SCRN1: variants seen among roughly 807,000 people sequenced by gnomAD.
SCRN1 encodes the protein secernin 1, also known as secernin-1.
A neutral mutation model predicts 43.3 loss-of-function variants in SCRN1; 19 were observed. The observed-to-expected ratio is 0.44, with a 90% confidence interval of 0.31 to 0.64. SCRN1 has a LOEUF of 0.64. Among genes scored for constraint, SCRN1 ranks in the 30% least tolerant of loss-of-function variants. The pLI is 0.09. For synonymous variants in SCRN1, 183 were observed against 188.9 expected (o/e 0.97, Z 0.26); for missense variants, 447 against 524.1 (o/e 0.85, Z 1.44).
intron 2 of SCRN1, among the ~76,000 whole-genome samples, chr7:29,956,257 G>A (rs975833474): frequency 6.6e-6 from 1 of 152,134 alleles, no homozygotes; most frequent in Non-Finnish European, 1.5e-5. Context: ...TCAGAGTCTC[G>A]CCCTCCTGTG....
At chr7:29,946,427 C>T (rs1251531942) in intron 3 of SCRN1, among the ~76,000 whole-genome samples, 1 of 152,226 alleles carries the variant, frequency 6.6e-6, no homozygotes, top group Non-Finnish European at 1.5e-5. Context: ...ACATTCCAGG[C>T]AGAATCCTGT....
chr7:29,975,667 CTG>C (rs1788806546), intron 1 of SCRN1, among the ~76,000 whole-genome samples: 1 of 152,210 alleles, frequency 6.6e-6, no homozygotes. Flanking sequence ...ACATTTCTTA[CTG>C]TGAGTCTTAA....
At chr7:29,926,428 T>C in intron 7 of SCRN1, 24 bp downstream of exon 7, 1 of 1,605,078 alleles carries the variant, frequency 6.2e-7, no homozygotes, top group East Asian at 2.2e-5. Flanking sequence ...CGCCTCCGCC[T>C]CTGTGGCCCT....
chr7:29,967,018 C>T (rs1462610731), intron 2 of SCRN1, among the ~76,000 whole-genome samples: 1 of 151,992 alleles, frequency 6.6e-6, no homozygotes, highest in Non-Finnish European at 1.5e-5. Flanking sequence ...TGATGAATGC[C>T]TATTTGAAAC....
At chr7:29,968,742 C>T (rs1228943915) in intron 2 of SCRN1, among the ~76,000 whole-genome samples, 167 bp downstream of exon 2, 1 of 152,188 alleles carries the variant, frequency 6.6e-6, no homozygotes, top group African/African-American at 2.4e-5. Context: ...TCTCCCATGA[C>T]CTTGTTTTCA....
Position 29,923,302 on chromosome 7 carries a change from C to T in SCRN1, c.*655G>A, listed in dbSNP as rs1228615923. 1 of 152,220 alleles carries T rather than the reference C, an allele frequency of 6.6e-6. No individual in the cohort carries two copies. The highest frequency in any genetic ancestry group is 2.1e-4 in the South Asian group (1 of 4,826). 9.4% of individuals were successfully genotyped at this position (152,220 alleles called of 1,614,324 possible). A position where few individuals can be genotyped will look rare whatever the true frequency, so the allele number is the denominator to read the frequency against. On this transcript the variant is annotated 3_prime_UTR_variant, in exon 8 of 8. Coordinates refer to ENST00000242059, the MANE Select transcript of SCRN1 (RefSeq NM_014766.5). Reference sequence around the variant, plus strand: ...TAAGTGGAAGCAGCTCTGCAGTCCACCACACATAAGCACAGCGCATGGAAA... The same window carrying T: ...TAAGTGGAAGCAGCTCTGCAGTCCATCACACATAAGCACAGCGCATGGAAA...
intron 3 of SCRN1, among the ~76,000 whole-genome samples, chr7:29,951,015 C>A (rs1475004533): frequency 6.6e-6 from 1 of 152,260 alleles, no homozygotes; most frequent in Admixed American, 6.5e-5. Flanking sequence ...CCCCAGCCCC[C>A]ACCATTTGCA....
At chr7:29,983,018 T>C (rs910602314) in intron 1 of SCRN1, among the ~76,000 whole-genome samples, 1 of 151,940 alleles carries the variant, frequency 6.6e-6, no homozygotes, top group Non-Finnish European at 1.5e-5. Flanking sequence ...TTTGTATTTT[T>C]AGTAGAGACG....
intron 2 of SCRN1, among the ~76,000 whole-genome samples, chr7:29,961,803 G>A (rs967725272): frequency 1.4e-5 from 2 of 146,280 alleles, no homozygotes; most frequent in Non-Finnish European, 3.1e-5. Flanking sequence ...CCTCCCGGAC[G>A]GAGCGGCTGG....
At chr7:29,926,133 A>G (rs940542375) in intron 7 of SCRN1, among the ~76,000 whole-genome samples, 11 of 152,246 alleles carry the variant, frequency 7.2e-5, no homozygotes, top group Non-Finnish European at 1.3e-4. Flanking sequence ...TACACAATAT[A>G]TAACAGTTAT....
intron 1 of SCRN1, among the ~76,000 whole-genome samples, chr7:29,984,301 T>C (rs1789084509): frequency 1.3e-5 from 2 of 151,290 alleles, no homozygotes; most frequent in South Asian, 4.2e-4. Context: ...ATTTTTACAA[T>C]TAAAACCACA....
At position 29,983,764 on chromosome 7, in the gene SCRN1, T is replaced by C. The variant is rs190319081; in HGVS notation, c.-2+5878A>G. 6.6e-5 allele frequency among the ~76,000 whole-genome samples: 10 copies of C among 152,372 alleles called. No homozygotes were observed. In the East Asian group the frequency reaches 1.5e-3, roughly 23 times the overall value. On this transcript the variant is annotated intron_variant, in intron 1 of 7. Transcript: ENST00000242059. Reference sequence around the variant, plus strand: ...AAAGTTCCAGTATTAAGATAGTTTGTTACTGATAGAATCAGAAGTAGAAAG... The same window carrying C: ...AAAGTTCCAGTATTAAGATAGTTTGCTACTGATAGAATCAGAAGTAGAAAG...
intron 6 of SCRN1, among the ~76,000 whole-genome samples, chr7:29,933,238 C>T (rs914382124): frequency 1.3e-5 from 2 of 152,152 alleles, no homozygotes; most frequent in Non-Finnish European, 2.9e-5. Flanking sequence ...CAGTGGTTTA[C>T]TGGTCTAACA....
chr7:29,989,746 GGGCTGC>G lies in SCRN1; in HGVS notation c.-112_-107del. ...GTCCGGATTACTGCGGCGACCTCGG[GGGCTGC>G]AGCTGCAGTGGCGGAGGCGGCCGCC... is the stretch of plus-strand genomic sequence containing the variant. On this transcript the variant is annotated 5_prime_UTR_variant, in exon 1 of 8. Transcript: ENST00000242059. 1 of 986,304 alleles carries G rather than the reference GGGCTGC, an allele frequency of 1.0e-6. No homozygotes were observed. Among genetic ancestry groups the G allele is most frequent in the Non-Finnish European group, 1.2e-6 (1 of 830,728 alleles). 61.1% of individuals were successfully genotyped at this position (986,304 alleles called of 1,614,324 possible).
At chr7:29,932,524 TG>T (rs1787190457) in intron 6 of SCRN1, among the ~76,000 whole-genome samples, 1 of 151,298 alleles carries the variant, frequency 6.6e-6, no homozygotes, top group Admixed American at 6.6e-5. Context: ...TGGTGGCACG[TG>T]CCTGTAGTCC....
intron 3 of SCRN1, among the ~76,000 whole-genome samples, chr7:29,951,256 C>A (rs976936298): frequency 5.3e-5 from 8 of 152,244 alleles, no homozygotes; most frequent in African/African-American, 1.9e-4. Flanking sequence ...CCTAGAGCTG[C>A]CCATCCCGCC....
rs1048957105 is a variant in SCRN1 at position 29,932,962 on chromosome 7, T to C, written c.905+3594A>G. The stretch of plus-strand genomic sequence containing the variant: ...CTCAATCTCAGCTCACTGCAACCTT[T>C]GCCTCCCAGGTTCAAGTGATTCTCC... On this transcript the variant is annotated intron_variant, in intron 6 of 7. Coordinates refer to ENST00000242059, the MANE Select transcript of SCRN1 (RefSeq NM_014766.5). 2.0e-5 allele frequency among the ~76,000 whole-genome samples: 3 copies of C among 152,022 alleles called. No individual in the cohort carries two copies. The East Asian group carries it at 5.9e-4, about 30-fold the overall frequency.
intron 2 of SCRN1, among the ~76,000 whole-genome samples, chr7:29,966,872 G>A (rs1788514625): frequency 6.6e-6 from 1 of 152,032 alleles, no homozygotes; most frequent in South Asian, 2.1e-4. Flanking sequence ...CCCTCATAGA[G>A]TTCTGTTGCT....
intron 3 of SCRN1, 43 bp from the exon 4 acceptor site, chr7:29,944,222 C>G: frequency 6.3e-7 from 1 of 1,582,606 alleles, no homozygotes; most frequent in Non-Finnish European, 8.7e-7. Context: ...CATTTCATAC[C>G]ACAGGATTGT....
Sources: gnomAD v4.1 joint callset for allele counts (sites outside exome capture counted in the v4.1 genomes callset) on GRCh38, gnomAD v4.1.1 for gene constraint, MANE v1.5 for transcripts, NCBI Gene and HGNC (gene_info 2026-07-23, HGNC 2026-07-21) for gene names.